MYO1E: variants seen among roughly 807,000 people sequenced by gnomAD.
MYO1E encodes the protein unconventional myosin-Ie.
A neutral mutation model predicts 151.1 loss-of-function variants in MYO1E; 68 were observed. The observed-to-expected ratio is 0.45, with a 90% CI of 0.37 to 0.55. The LOEUF (loss-of-function observed/expected upper bound fraction) is 0.55. MYO1E is among the 20% of genes least tolerant of loss of function. The pLI is 0.00. For missense variants in MYO1E, 1,363 were observed against 1,389.3 expected, an observed-to-expected ratio of 0.98 and a Z score of 0.30; for synonymous variants, 601 against 501.7, an observed-to-expected ratio of 1.20 and a Z score of -2.64.
Position 59,372,539 on chromosome 15 carries a change from C to A in MYO1E, c.-39G>T, listed in dbSNP as rs752332145. 2.0e-6 allele frequency: 3 copies of A among 1,535,246 alleles called. No homozygotes were observed. In the African/African-American group the frequency reaches 4.1e-5, roughly 21 times the overall value. On this transcript the variant is annotated 5_prime_UTR_variant, in exon 1 of 28. Coordinates refer to ENST00000288235, the MANE Select transcript of MYO1E (RefSeq NM_004998.4). ...GCGGTCGCGTCTTCGCCGGGTCCCG[C>A]TGCCGGGGAACTGGGGCTGGAACGC... is the stretch of plus-strand genomic sequence containing the variant.
Position 59,163,154 on chromosome 15 carries a change from T to G in MYO1E, c.2627+3A>C. On this transcript the variant is annotated splice_donor_region_variant and intron_variant, in intron 23 of 27. Coordinates refer to ENST00000288235, the MANE Select transcript of MYO1E (RefSeq NM_004998.4). Reference sequence around the variant, plus strand: ...GAAGTCTGGGTCCCAGATCCGGACTTACGTATTGCTGAATTTCAGAGGTAG... The same window carrying G: ...GAAGTCTGGGTCCCAGATCCGGACTGACGTATTGCTGAATTTCAGAGGTAG... 1.2e-6 allele frequency: 2 copies of G among 1,614,016 alleles called. No homozygotes were observed. The highest frequency in any genetic ancestry group is 1.7e-6 in the Non-Finnish European group (2 of 1,179,940).
rs112496778 is a variant in MYO1E, at chr15:59,278,767, C to T, written c.4-6318G>A. ...TCAGTAGCCAACAACCCACTCTCAACCCCTTACACTCCTAGATAATTGGAA... is the reference window on the plus strand; with the variant it reads ...TCAGTAGCCAACAACCCACTCTCAATCCCTTACACTCCTAGATAATTGGAA... On this transcript the variant is annotated intron_variant, in intron 1 of 27. Transcript: ENST00000288235. 7.7e-3 allele frequency among the ~76,000 whole-genome samples: 1,167 copies of T among 152,298 alleles called. 17 individuals carry two copies. Among genetic ancestry groups the T allele is most frequent in the African/African-American group, 0.027 (1,139 of 41,562 alleles).
chr15:59,153,461 A>G lies in MYO1E; in HGVS notation c.3080+129T>C, dbSNP rs1406793861. ...GCCCCACAGCCTTGGGTCCTGGCAT[A>G]TAGCACTGAGGTGGAAAACTAAACC... On this transcript the variant is annotated intron_variant, in intron 26 of 27. Transcript: ENST00000288235. 4.0e-6 allele frequency: 4 copies of G among 996,072 alleles called. No individual in the cohort carries two copies. In the African/African-American group the frequency reaches 6.4e-5, roughly 16 times the overall value. The allele number at this position is 996,072 out of a possible 1,614,324, so 61.7% of individuals were successfully genotyped here.
chr15:59,231,405 G>T (rs144394344), intron 6 of MYO1E, among the ~76,000 whole-genome samples: 1 of 152,140 alleles, frequency 6.6e-6, no homozygotes, highest in Non-Finnish European at 1.5e-5. Context: ...CTTTTCTCTA[G>T]GGCATAAAGA....
At position 59,217,519 on chromosome 15, in the gene MYO1E, C is replaced by CTTTTTTTTTTTTTT. The variant is rs1164320277; in HGVS notation, c.1107+358_1107+371dup. Among the ~76,000 whole-genome samples the CTTTTTTTTTTTTTT allele has an allele frequency of 2.7e-3, 142 of 53,158 alleles. 18 individuals are homozygous for CTTTTTTTTTTTTTT. The highest frequency in any genetic ancestry group is 9.7e-3 in the African/African-American group (139 of 14,380). 34.9% of individuals were successfully genotyped at this position (53,158 alleles called of 152,430 possible). A position where few individuals can be genotyped will look rare whatever the true frequency, so the allele number is the denominator to read the frequency against. On this transcript the variant is annotated intron_variant, in intron 10 of 27. Coordinates refer to ENST00000288235, the MANE Select transcript of MYO1E (RefSeq NM_004998.4). ...AACACAAAACCCTCAGTCGTTTTAC[C>CTTTTTTTTTTTTTT]TTTTTTTTTTTTTTTTTTTTTTGGG...
intron 1 of MYO1E, among the ~76,000 whole-genome samples, chr15:59,315,734 T>G (rs940222665): frequency 6.6e-6 from 1 of 152,192 alleles, no homozygotes; most frequent in Admixed American, 6.5e-5. Context: ...ATGATCACAT[T>G]AACCTCTTCC....
At chr15:59,341,806 G>A (rs2080767383) in intron 1 of MYO1E, among the ~76,000 whole-genome samples, 1 of 152,136 alleles carries the variant, frequency 6.6e-6, no homozygotes, top group African/African-American at 2.4e-5. Context: ...TTGCTATTGT[G>A]AATAGTGCTA....
At chr15:59,309,281 T>C (rs1323729521) in intron 1 of MYO1E, among the ~76,000 whole-genome samples, 1 of 152,268 alleles carries the variant, frequency 6.6e-6, no homozygotes, top group Non-Finnish European at 1.5e-5. Context: ...GTGTTGCTGC[T>C]CCATTTACTG....
chr15:59,319,034 G>C (rs1383476678), intron 1 of MYO1E, among the ~76,000 whole-genome samples: 1 of 152,184 alleles, frequency 6.6e-6, no homozygotes, highest in Admixed American at 6.5e-5. Context: ...TTAGTGGCTG[G>C]GTGTGGTGGC....
At chr15:59,273,813 A>G (rs1300332168) in intron 1 of MYO1E, among the ~76,000 whole-genome samples, 4 of 152,196 alleles carry the variant, frequency 2.6e-5, no homozygotes, top group Admixed American at 2.0e-4. Flanking sequence ...GAGTGTCGCC[A>G]GTGGGTAAGT....
chr15:59,182,868 AT>A (rs1410585006), intron 18 of MYO1E, among the ~76,000 whole-genome samples: 1 of 151,988 alleles, frequency 6.6e-6, no homozygotes, highest in African/African-American at 2.4e-5. Context: ...ATGGAAGATA[AT>A]TTTTCTATGG....
chr15:59,352,844 C>T (rs918384749), intron 1 of MYO1E, among the ~76,000 whole-genome samples: 27 of 152,198 alleles, frequency 1.8e-4, no homozygotes, highest in Non-Finnish European at 8.8e-5. Context: ...AGAACTCCCT[C>T]AGAAACTGGA....
At chr15:59,283,454 A>G (rs2080369300) in intron 1 of MYO1E, among the ~76,000 whole-genome samples, 1 of 152,158 alleles carries the variant, frequency 6.6e-6, no homozygotes, top group Non-Finnish European at 1.5e-5. Flanking sequence ...AGCCTGCTCT[A>G]ACAGCATTAC....
intron 9 of MYO1E, 191 bp from the exon 10 acceptor site, chr15:59,218,278 T>C (rs751100967): frequency 4.2e-6 from 3 of 710,086 alleles, no homozygotes; most frequent in Non-Finnish European, 7.6e-6. Flanking sequence ...ATCTCCTTTG[T>C]TTTTCCCAAT....
intron 7 of MYO1E, 38 bp downstream of exon 7, chr15:59,227,421 G>T: frequency 6.2e-7 from 1 of 1,612,264 alleles, no homozygotes; most frequent in Admixed American, 1.7e-5. Flanking sequence ...TGTAGAGAAG[G>T]GACAGGAAGT....
At chr15:59,369,521 C>T (rs1025406856) in intron 1 of MYO1E, among the ~76,000 whole-genome samples, 1 of 152,122 alleles carries the variant, frequency 6.6e-6, no homozygotes, top group Non-Finnish European at 1.5e-5. Context: ...CCAGATTCTA[C>T]GAAGGAAGCC....
chr15:59,325,035 C>CTT (rs869296862), intron 1 of MYO1E, among the ~76,000 whole-genome samples: 1 of 141,220 alleles, frequency 7.1e-6, no homozygotes, highest in Admixed American at 7.1e-5. Context: ...ATTTCCTTTT[C>CTT]TTTTTTTTTT....
At chr15:59,277,564 A>ACAAAAACAAAAC (rs71119452) in intron 1 of MYO1E, among the ~76,000 whole-genome samples, 1 of 139,794 alleles carries the variant, frequency 7.2e-6, no homozygotes. Flanking sequence ...AAAAAAAAAA[A>ACAAAAACAAAAC]AAAAAAAAAC....
At chr15:59,181,292 T>TGCA (rs2079657078) in intron 18 of MYO1E, among the ~76,000 whole-genome samples, 2 of 152,346 alleles carry the variant, frequency 1.3e-5, no homozygotes, top group South Asian at 2.1e-4. Flanking sequence ...AGATAGACTT[T>TGCA]GCAAATCTGT....
Sources: gnomAD v4.1 joint callset for allele counts (sites outside exome capture counted in the v4.1 genomes callset) on GRCh38, gnomAD v4.1.1 for gene constraint, MANE v1.5 for transcripts, NCBI Gene and HGNC (gene_info 2026-07-23, HGNC 2026-07-21) for gene names.